Variants in GTF2IRD1 observed in about 807,000 individuals in gnomAD.
GTF2IRD1 encodes GTF2I repeat domain containing 1, also known as general transcription factor II-I repeat domain-containing protein 1.
GTF2IRD1 carries 26 observed loss-of-function variants against 113.2 expected under a neutral mutation model. The ratio of observed to expected loss-of-function variants is 0.23; its 90% CI spans 0.17 to 0.32. GTF2IRD1 has a LOEUF of 0.32. Among genes scored for constraint, GTF2IRD1 ranks in the 10% least tolerant of loss-of-function variants. GTF2IRD1 has a pLI of 1.00. For synonymous variants in GTF2IRD1, 484 were observed against 529.1 expected (o/e 0.91, Z 1.17); for missense variants, 864 against 1,280.8 (o/e 0.67, Z 4.97).
intron 17 of GTF2IRD1, 75 bp downstream of exon 17, chr7:74,547,361 G>A (rs1799005061): frequency 8.2e-7 from 1 of 1,214,604 alleles, no homozygotes; most frequent in Admixed American, 2.2e-5. Flanking sequence ...GCACCAAATT[G>A]CCATCAAGCA....
chr7:74,474,773 G>A lies in GTF2IRD1; in HGVS notation c.-7+20597G>A, dbSNP rs146648021. On this transcript the variant is annotated intron_variant, in intron 1 of 26. Coordinates refer to ENST00000424337, the MANE Select transcript of GTF2IRD1 (RefSeq NM_005685.4). ...AACGCAACTGTGATTTCTCAGAAAT[G>A]TCATCCCAGGCCCAGCTAGCCCTGA... is the stretch of plus-strand genomic sequence containing the variant. 9.9e-4 allele frequency among the ~76,000 whole-genome samples: 150 copies of A among 152,280 alleles called. 3 individuals are homozygous for A. The East Asian group carries it at 0.027, about 27-fold the overall frequency.
intron 3 of GTF2IRD1, among the ~76,000 whole-genome samples, chr7:74,514,049 C>T (rs1465383036): frequency 6.6e-6 from 1 of 152,070 alleles, no homozygotes; most frequent in East Asian, 1.9e-4. Flanking sequence ...AGAGAACGGG[C>T]CGCCTGGGTC....
chr7:74,475,503 T>C (rs1269940226), intron 1 of GTF2IRD1, among the ~76,000 whole-genome samples: 2 of 152,102 alleles, frequency 1.3e-5, no homozygotes, highest in Non-Finnish European at 2.9e-5. Context: ...TACAGGGTTT[T>C]GGTGAGGGGC....
At chr7:74,455,614 T>A (rs1188803017) in intron 1 of GTF2IRD1, among the ~76,000 whole-genome samples, 1 of 152,102 alleles carries the variant, frequency 6.6e-6, no homozygotes, top group Non-Finnish European at 1.5e-5. Flanking sequence ...TAGGTGGCCG[T>A]CATGAACCGC....
In GTF2IRD1 at chr7:74,480,857, A is replaced by G. The variant is rs542465829; in HGVS notation, c.-7+26681A>G. Among the ~76,000 whole-genome samples the G allele has an allele frequency of 2.9e-4, 44 of 152,278 alleles. No individual in the cohort carries two copies. In the South Asian group the frequency reaches 9.1e-3, roughly 32 times the overall value. ...TACCTGATGCACAGCCCGAGCTGAGAGGAGACAGCCCCTTTTCCTAAATCC... is the reference window on the plus strand; with the variant it reads ...TACCTGATGCACAGCCCGAGCTGAGGGGAGACAGCCCCTTTTCCTAAATCC... On this transcript the variant is annotated intron_variant, in intron 1 of 26. Coordinates refer to ENST00000424337, the MANE Select transcript of GTF2IRD1 (RefSeq NM_005685.4).
chr7:74,471,450 G>A (rs1186631981), intron 1 of GTF2IRD1, among the ~76,000 whole-genome samples: 2 of 151,702 alleles, frequency 1.3e-5, no homozygotes, highest in African/African-American at 2.4e-5. Context: ...TCAAGCCTGC[G>A]GTGAGCTATA....
At chr7:74,493,239 A>T (rs959015367) in intron 1 of GTF2IRD1, among the ~76,000 whole-genome samples, 4 of 151,290 alleles carry the variant, frequency 2.6e-5, no homozygotes, top group Admixed American at 6.6e-5. Context: ...CCTCCCGAGT[A>T]ACTGGGACTA....
intron 1 of GTF2IRD1, among the ~76,000 whole-genome samples, chr7:74,485,623 A>T (rs1794978678): frequency 6.7e-6 from 1 of 150,234 alleles, no homozygotes; most frequent in Non-Finnish European, 1.5e-5. Flanking sequence ...TCTCAAAGAA[A>T]AAAAAAAAAT....
intron 1 of GTF2IRD1, among the ~76,000 whole-genome samples, chr7:74,461,619 C>T (rs1793369837): frequency 6.6e-6 from 1 of 152,086 alleles, no homozygotes; most frequent in Non-Finnish European, 1.5e-5. Flanking sequence ...CACTCTGTCA[C>T]CCAGGCTGGA....
At chr7:74,483,747 C>T (rs549765901) in intron 1 of GTF2IRD1, among the ~76,000 whole-genome samples, 3 of 151,098 alleles carry the variant, frequency 2.0e-5, no homozygotes, top group Non-Finnish European at 2.9e-5. Flanking sequence ...GGGAGCTACT[C>T]GGGAGGCTGA....
At chr7:74,468,686 G>C (rs1418685547) in intron 1 of GTF2IRD1, among the ~76,000 whole-genome samples, 1 of 76,016 alleles carries the variant, frequency 1.3e-5, no homozygotes, top group Non-Finnish European at 3.5e-5. Context: ...CTGTGTGTGT[G>C]TGTGTGTGTG....
At position 74,602,596 on chromosome 7, in the gene GTF2IRD1, A is replaced by G. The variant is rs2131101495; in HGVS notation, c.*163A>G. Reference sequence around the variant, plus strand: ...TTTTTAAATAAGTAAAAAAAGAAAAAAAAAAAAAAGAGTGTTGCCTTTACT... The same window carrying G: ...TTTTTAAATAAGTAAAAAAAGAAAAGAAAAAAAAAGAGTGTTGCCTTTACT... On this transcript the variant is annotated 3_prime_UTR_variant, in exon 27 of 27. Coordinates refer to ENST00000424337, the MANE Select transcript of GTF2IRD1 (RefSeq NM_005685.4). 4 of 509,410 alleles carry G rather than the reference A, an allele frequency of 7.9e-6. No individual in the cohort carries two copies. In the East Asian group the frequency reaches 9.7e-5, roughly 12 times the overall value. The allele number at this position is 509,410 out of a possible 1,614,324, so 31.6% of individuals were successfully genotyped here. A position where few individuals can be genotyped will look rare whatever the true frequency, so the allele number is the denominator to read the frequency against.
At chr7:74,458,590 G>T (rs1316385641) in intron 1 of GTF2IRD1, among the ~76,000 whole-genome samples, 1 of 152,084 alleles carries the variant, frequency 6.6e-6, no homozygotes, top group Non-Finnish European at 1.5e-5. Flanking sequence ...CCTGTAGGGG[G>T]TGTGGTAATG....
At chr7:74,457,210 G>A (rs1330168531) in intron 1 of GTF2IRD1, among the ~76,000 whole-genome samples, 1 of 151,880 alleles carries the variant, frequency 6.6e-6, no homozygotes, top group African/African-American at 2.4e-5. Context: ...GGCTGGTTTC[G>A]AACTCCTGGG....
chr7:74,531,865 C>G lies in GTF2IRD1; in HGVS notation c.1274+1948C>G, dbSNP rs187558204. On this transcript the variant is annotated intron_variant, in intron 9 of 26. Coordinates refer to ENST00000424337, the MANE Select transcript of GTF2IRD1 (RefSeq NM_005685.4). ...ATTGGTGGTACAGCTCTCTGCCCCC[C>G]ACCTCTGCCCCAACCCCAACTCATG... Among the ~76,000 whole-genome samples the G allele has an allele frequency of 4.2e-4, 64 of 152,224 alleles. No individual in the cohort carries two copies. The East Asian group carries it at 0.01, about 24-fold the overall frequency.
Position 74,601,063 on chromosome 7 carries a change from C to G in GTF2IRD1, c.2649C>G (p.Pro883=), listed in dbSNP as rs1488263476. The part of the protein sequence containing the change: ...AKVPAKDSSI[P]KRKRKRVSEG... Reference sequence around the variant, plus strand: ...TTCCAGCCAAAGACAGCAGCATTCCCAAGCGCAAGAGAAAGCGGGTCTCGG... The same window carrying G: ...TTCCAGCCAAAGACAGCAGCATTCCGAAGCGCAAGAGAAAGCGGGTCTCGG... The change falls in exon 26 of 27, where the codon CCC becomes CCG. Residue 883 remains proline, a synonymous_variant. Transcript: ENST00000424337. 1 of 1,614,078 alleles carries G rather than the reference C, an allele frequency of 6.2e-7. No individual in the cohort carries two copies. Among genetic ancestry groups the G allele is most frequent in the Non-Finnish European group, 8.5e-7 (1 of 1,180,044 alleles).
At chr7:74,592,256 C>G (rs1349117453) in intron 24 of GTF2IRD1, among the ~76,000 whole-genome samples, 1 of 151,760 alleles carries the variant, frequency 6.6e-6, no homozygotes, top group Non-Finnish European at 1.5e-5. Context: ...CACGCTACCA[C>G]ACCTGGCTAA....
In GTF2IRD1 at chr7:74,573,980, T is replaced by A. The variant is rs79701818; in HGVS notation, c.2320+14325T>A. Among the ~76,000 whole-genome samples, 873 of 152,204 alleles carry A rather than the reference T, an allele frequency of 5.7e-3. 9 individuals carry two copies. The highest frequency in any genetic ancestry group is 0.019 in the African/African-American group (773 of 41,548). On this transcript the variant is annotated intron_variant, in intron 22 of 26. Coordinates refer to ENST00000424337, the MANE Select transcript of GTF2IRD1 (RefSeq NM_005685.4). ...ATTATTTCATTATTCTTTTTGTTTG[T>A]TTCTGTTTTGTTTTGTCTTTGAGAC...
chr7:74,577,561 A>G (rs879954231), intron 22 of GTF2IRD1, among the ~76,000 whole-genome samples: 18 of 152,132 alleles, frequency 1.2e-4, no homozygotes, highest in Admixed American at 1.2e-3. Context: ...ATTCCCTGTC[A>G]TCTAATACAT....
Sources: allele counts gnomAD v4.1 joint callset (sites outside exome capture counted in the v4.1 genomes callset), GRCh38; gene constraint gnomAD v4.1.1; transcripts MANE v1.5; gene names NCBI Gene and HGNC (gene_info 2026-07-23, HGNC 2026-07-21).